Variants in OSBPL1A observed in about 807,000 individuals in gnomAD.
OSBPL1A encodes oxysterol binding protein like 1A.
A neutral mutation model predicts 137.1 loss-of-function variants in OSBPL1A; 80 were observed. The observed-to-expected ratio is 0.58, with a 90% confidence interval of 0.49 to 0.70. The LOEUF is 0.70. Ranked by LOEUF, OSBPL1A falls within the 30% of genes least tolerant of loss-of-function variation. OSBPL1A has a pLI of 0.00. For synonymous variants in OSBPL1A, 365 were observed against 389.7 expected (o/e 0.94, Z 0.75); for missense variants, 970 against 1,129.4 (o/e 0.86, Z 2.02).
At chr18:24,322,165 A>T (rs1182301692) in intron 7 of OSBPL1A, among the ~76,000 whole-genome samples, 2 of 142,804 alleles carry the variant, frequency 1.4e-5, no homozygotes, top group African/African-American at 5.3e-5. Context: ...GCTGGAGTGC[A>T]GTGGCACCAT....
chr18:24,327,819 A>T (rs1487731242), intron 7 of OSBPL1A, among the ~76,000 whole-genome samples: 1 of 152,192 alleles, frequency 6.6e-6, no homozygotes, highest in East Asian at 1.9e-4. Context: ...TAAACTATAG[A>T]GTAAATATAT....
rs143873373 is a variant in OSBPL1A, at chr18:24,283,195, G to A, written c.1175-2247C>T. Among the ~76,000 whole-genome samples, 193 of 148,248 alleles carry A rather than the reference G, an allele frequency of 1.3e-3. 3 individuals carry two copies. In the East Asian group the frequency reaches 0.033, roughly 25 times the overall value. ...CAGGAGAATCACTTCAACCTGGGAC[G>A]TGGAGGTTGCAGTAAGCGGAGATGG... On this transcript the variant is annotated intron_variant, in intron 14 of 27. Transcript: ENST00000319481.
At chr18:24,272,628 CTT>C (rs973788580) in intron 15 of OSBPL1A, among the ~76,000 whole-genome samples, 4 of 152,156 alleles carry the variant, frequency 2.6e-5, no homozygotes, top group African/African-American at 9.7e-5. Flanking sequence ...GGAAAGAAAT[CTT>C]TTTGTTTCAA....
intron 2 of OSBPL1A, 144 bp from the exon 3 acceptor site, chr18:24,368,516 G>C: frequency 1.6e-6 from 1 of 625,596 alleles, no homozygotes; most frequent in South Asian, 1.9e-5. Flanking sequence ...TGACCAAGAA[G>C]TGTAATGGGT....
Position 24,171,389 on chromosome 18 carries a change from A to G in OSBPL1A, c.2291+20T>C. 1 of 1,572,570 alleles carries G rather than the reference A, an allele frequency of 6.4e-7. No homozygotes were observed. Among genetic ancestry groups the G allele is most frequent in the East Asian group, 2.2e-5 (1 of 44,596 alleles). ...GTGAACAAAATCTATACTATTCAAC[A>G]TTTAAAAGAGAAATTTTACCTTTTA... On this transcript the variant is annotated intron_variant, in intron 23 of 27. Transcript: ENST00000319481.
chr18:24,196,974 T>A (rs1385109158), intron 17 of OSBPL1A, among the ~76,000 whole-genome samples: 1 of 152,116 alleles, frequency 6.6e-6, no homozygotes, highest in Admixed American at 6.5e-5. Context: ...TTTCCACAGA[T>A]CAGAATGGCA....
In OSBPL1A at chr18:24,271,455, C is replaced by T. The variant is rs937192037; in HGVS notation, c.1281+9387G>A. Reference sequence around the variant, plus strand: ...GTCTCCCGGCTGGTGCGCCCCTCCCCACGCGCCCGCGGCTGCACCCCACTC... The same window carrying T: ...GTCTCCCGGCTGGTGCGCCCCTCCCTACGCGCCCGCGGCTGCACCCCACTC... On this transcript the variant is annotated intron_variant, in intron 15 of 27. Coordinates refer to ENST00000319481, the MANE Select transcript of OSBPL1A (RefSeq NM_080597.4). The surrounding 1 kb of genome is among the most constrained non-coding windows in gnomAD (Gnocchi z 4.0). 2.8e-6 allele frequency: 2 copies of T among 714,928 alleles called. No individual in the cohort carries two copies. The highest frequency in any genetic ancestry group is 3.4e-6 in the Non-Finnish European group (2 of 582,796). The allele number at this position is 714,928 out of a possible 1,614,324, so 44.3% of individuals were successfully genotyped here.
rs182089183 is a variant in OSBPL1A at position 24,377,025 on chromosome 18, G to A, written c.121+388C>T. ...GCTCCAGCCTTGGCCAGCACAGAAA[G>A]GGGCTCCCACAGTGCAGCGATGGGC... On this transcript the variant is annotated intron_variant, in intron 2 of 27. Coordinates refer to ENST00000319481, the MANE Select transcript of OSBPL1A (RefSeq NM_080597.4). Among the ~76,000 whole-genome samples the A allele has an allele frequency of 1.0e-3, 159 of 152,346 alleles. 1 individual carries two copies. The East Asian group carries it at 0.019, about 18-fold the overall frequency.
intron 2 of OSBPL1A, among the ~76,000 whole-genome samples, chr18:24,377,057 GCTC>G (rs963045830): frequency 6.6e-6 from 1 of 152,216 alleles, no homozygotes; most frequent in African/African-American, 2.4e-5. Context: ...GGGCTGAAGG[GCTC>G]CTCAAGTGCC....
chr18:24,242,312 A>ACAAT (rs2088725868), intron 15 of OSBPL1A, among the ~76,000 whole-genome samples: 1 of 149,636 alleles, frequency 6.7e-6, no homozygotes, highest in Non-Finnish European at 1.5e-5. Flanking sequence ...AAACAAACAA[A>ACAAT]CAAAAAAGAT....
chr18:24,256,840 A>G (rs1302355125), intron 15 of OSBPL1A, among the ~76,000 whole-genome samples: 1 of 151,976 alleles, frequency 6.6e-6, no homozygotes, highest in Non-Finnish European at 1.5e-5. Context: ...AAGAAACTTA[A>G]AAAGTAATCC....
chr18:24,267,686 C>T (rs2089612415), intron 15 of OSBPL1A, among the ~76,000 whole-genome samples: 1 of 151,984 alleles, frequency 6.6e-6, no homozygotes, highest in Admixed American at 6.6e-5. Context: ...ACCATACAAC[C>T]CTTTTAATAG....
intron 18 of OSBPL1A, among the ~76,000 whole-genome samples, chr18:24,192,699 G>T (rs11083007): frequency 0.33 from 49,422 of 152,028 alleles, 8,495 homozygotes; most frequent in Middle Eastern, 0.44. Flanking sequence ...CTGCAGACAC[G>T]GGGGGCCAAG....
At chr18:24,259,128 C>T (rs1398092286) in intron 15 of OSBPL1A, among the ~76,000 whole-genome samples, 8 of 151,778 alleles carry the variant, frequency 5.3e-5, no homozygotes, top group Non-Finnish European at 1.0e-4. Flanking sequence ...ACCATGGTCT[C>T]GATCTCCTGA....
chr18:24,257,893 T>C (rs559708898), intron 15 of OSBPL1A, among the ~76,000 whole-genome samples: 8 of 152,164 alleles, frequency 5.3e-5, no homozygotes, highest in Non-Finnish European at 1.0e-4. Flanking sequence ...ACATCACTGA[T>C]TAGAGAAATG....
At chr18:24,316,058 C>T (rs1024506096) in intron 11 of OSBPL1A, among the ~76,000 whole-genome samples, 2 of 150,386 alleles carry the variant, frequency 1.3e-5, no homozygotes, top group Admixed American at 6.8e-5. Context: ...GTCAGGAGTT[C>T]GAGACCAGCC....
At chr18:24,232,922 A>G (rs1280686371) in intron 16 of OSBPL1A, among the ~76,000 whole-genome samples, 1 of 152,218 alleles carries the variant, frequency 6.6e-6, no homozygotes, top group African/African-American at 2.4e-5. Context: ...TGATATAACT[A>G]TCTATTGGTT....
chr18:24,239,748 G>A (rs1362120686), intron 15 of OSBPL1A, among the ~76,000 whole-genome samples: 1 of 151,902 alleles, frequency 6.6e-6, no homozygotes, highest in African/African-American at 2.4e-5. Context: ...AACAGTTTCA[G>A]CAAGTCTTGG....
Position 24,280,881 on chromosome 18 carries a change from A to T in OSBPL1A, c.1242T>A (p.Ala414=). Reference sequence around the variant, plus strand: ...TGAAGAGATTAAGGCAATCAGTCAAAGCTACACAAGTTTCTCTAGAAGCTT... The same window carrying T: ...TGAAGAGATTAAGGCAATCAGTCAATGCTACACAAGTTTCTCTAGAAGCTT... ...VSEASRETCV[A]LTDCLNLFTK... The change falls in exon 15 of 28, where the codon GCT becomes GCA. Residue 414 remains alanine (A), a synonymous_variant. Transcript: ENST00000319481. 1 of 1,609,604 alleles carries T rather than the reference A, an allele frequency of 6.2e-7. No individual in the cohort carries two copies. Among genetic ancestry groups the T allele is most frequent in the South Asian group, 1.1e-5 (1 of 89,750 alleles).
Sources: allele counts gnomAD v4.1 joint callset (sites outside exome capture counted in the v4.1 genomes callset), GRCh38; gene constraint gnomAD v4.1.1; non-coding constraint Gnocchi (gnomAD v3.1); transcripts MANE v1.5; gene names NCBI Gene and HGNC (gene_info 2026-07-23, HGNC 2026-07-21).